Variants in PTPRK observed in about 807,000 individuals in gnomAD.
PTPRK encodes protein tyrosine phosphatase receptor type K.
In PTPRK, 75 loss-of-function variants were observed where a neutral mutation model predicts 178.0. The ratio of observed to expected loss-of-function variants is 0.42; its 90% confidence interval spans 0.35 to 0.51. The LOEUF is 0.51. Ranked by LOEUF, PTPRK falls within the 20% of genes least tolerant of loss-of-function variation. The pLI is 0.02. For missense variants in PTPRK, 1,441 were observed against 1,797.8 expected, an observed-to-expected ratio of 0.80 and a Z score of 3.59; for synonymous variants, 637 against 620.6, an observed-to-expected ratio of 1.03 and a Z score of -0.39.
intron 1 of PTPRK, among the ~76,000 whole-genome samples, chr6:128,426,999 A>G (rs895272009): frequency 6.6e-6 from 1 of 152,220 alleles, no homozygotes; most frequent in Admixed American, 6.5e-5. Context: ...TTTTCAAAAC[A>G]TAACACATGA....
Position 128,236,909 on chromosome 6 carries a change from T to C in PTPRK, c.693+3126A>G, listed in dbSNP as rs967475417. ...TTCAGAACTACCATGATATGCATTA[T>C]GAAATTATCCTAGATTAACTCAGGC... On this transcript the variant is annotated intron_variant, in intron 5 of 29. Coordinates refer to ENST00000368226, the MANE Select transcript of PTPRK (RefSeq NM_002844.4). Among the ~76,000 whole-genome samples the C allele has an allele frequency of 4.6e-5, 7 of 152,344 alleles. No individual in the cohort carries two copies. In the South Asian group the frequency reaches 6.2e-4, roughly 14 times the overall value.
At chr6:127,970,321 A>C (rs1429529983) in intron 29 of PTPRK, 41 bp from the exon 30 acceptor site, 16 of 1,523,420 alleles carry the variant, frequency 1.1e-5, no homozygotes, top group Admixed American at 8.5e-5. Context: ...AAACTTAAGA[A>C]AGAGACTAAT....
chr6:128,407,552 T>C (rs982135639), intron 1 of PTPRK, among the ~76,000 whole-genome samples: 1 of 140,820 alleles, frequency 7.1e-6, no homozygotes, highest in African/African-American at 2.7e-5. Flanking sequence ...GGCGGGAAGA[T>C]ATCTTGAGCC....
At chr6:128,083,214 T>A (rs1420294861) in intron 9 of PTPRK, among the ~76,000 whole-genome samples, 2 of 152,100 alleles carry the variant, frequency 1.3e-5, no homozygotes, top group African/African-American at 4.8e-5. Context: ...TTTCTTCTTT[T>A]TTAGTTTCTC....
intron 15 of PTPRK, chr6:128,000,389 G>C: frequency 9.0e-7 from 1 of 1,114,574 alleles, no homozygotes; most frequent in Non-Finnish European, 1.1e-6. Flanking sequence ...CTGTAATTTA[G>C]CTTGATTGCA....
intron 7 of PTPRK, among the ~76,000 whole-genome samples, chr6:128,124,303 C>A (rs1792975725): frequency 6.6e-6 from 1 of 152,148 alleles, no homozygotes; most frequent in Non-Finnish European, 1.5e-5. Flanking sequence ...CCACCACGGC[C>A]TCCCAAAGTG....
chr6:128,264,729 T>C (rs1321152210), intron 3 of PTPRK, among the ~76,000 whole-genome samples: 2 of 152,164 alleles, frequency 1.3e-5, no homozygotes, highest in African/African-American at 4.8e-5. Context: ...GGTTTGGTTG[T>C]GTCCCCACCC....
intron 1 of PTPRK, among the ~76,000 whole-genome samples, chr6:128,493,650 A>T (rs1854234684): frequency 2.7e-5 from 4 of 150,346 alleles, no homozygotes; most frequent in Admixed American, 2.6e-4. Flanking sequence ...ACACACAGAA[A>T]CAACTATACT....
chr6:128,191,062 C>T (rs1803708759), intron 6 of PTPRK, among the ~76,000 whole-genome samples: 1 of 151,660 alleles, frequency 6.6e-6, no homozygotes, highest in African/African-American at 2.4e-5. Context: ...ATTTCACACA[C>T]GAGTAACTTC....
chr6:128,363,841 G>C (rs1211628114), intron 2 of PTPRK, among the ~76,000 whole-genome samples: 1 of 152,062 alleles, frequency 6.6e-6, no homozygotes, highest in African/African-American at 2.4e-5. Flanking sequence ...TTTACTTCCA[G>C]GCCCAGACTT....
intron 21 of PTPRK, among the ~76,000 whole-genome samples, chr6:127,987,461 C>A (rs1003815821): frequency 4.6e-5 from 7 of 151,848 alleles, no homozygotes; most frequent in Non-Finnish European, 1.0e-4. Context: ...TAAATATATT[C>A]TGAGATATTT....
At chr6:128,505,627 G>T (rs982304097) in intron 1 of PTPRK, among the ~76,000 whole-genome samples, 2 of 151,990 alleles carry the variant, frequency 1.3e-5, no homozygotes, top group Non-Finnish European at 2.9e-5. Flanking sequence ...GAGCTTCTCC[G>T]GTAAGAAAGT....
At chr6:128,019,353 G>T (rs549937559) in intron 13 of PTPRK, among the ~76,000 whole-genome samples, 5 of 151,968 alleles carry the variant, frequency 3.3e-5, no homozygotes, top group Admixed American at 6.6e-5. Context: ...GGTGAGGTGG[G>T]GGATACAATA....
At chr6:128,158,273 G>A (rs1382115359) in intron 7 of PTPRK, among the ~76,000 whole-genome samples, 1 of 151,826 alleles carries the variant, frequency 6.6e-6, no homozygotes, top group Non-Finnish European at 1.5e-5. Context: ...GGTGGGGGCA[G>A]GGGGGAGTGA....
At chr6:128,120,861 T>A (rs1341197937) in intron 7 of PTPRK, among the ~76,000 whole-genome samples, 1 of 151,958 alleles carries the variant, frequency 6.6e-6, no homozygotes, top group African/African-American at 2.4e-5. Flanking sequence ...ACTAAAAACC[T>A]AACTTTTCAT....
At chr6:128,382,629 G>A (rs571613278) in intron 2 of PTPRK, among the ~76,000 whole-genome samples, 5 of 151,646 alleles carry the variant, frequency 3.3e-5, no homozygotes, top group South Asian at 4.2e-4. Context: ...TAGTAGAGAC[G>A]GGGTTTTACT....
intron 7 of PTPRK, among the ~76,000 whole-genome samples, chr6:128,099,930 T>C (rs1194849855): frequency 6.6e-6 from 1 of 152,028 alleles, no homozygotes; most frequent in East Asian, 1.9e-4. Flanking sequence ...GAAATCCCTG[T>C]ACATTTTTCA....
intron 5 of PTPRK, among the ~76,000 whole-genome samples, chr6:128,232,916 G>A (rs1354446201): frequency 6.6e-6 from 1 of 152,166 alleles, no homozygotes; most frequent in African/African-American, 2.4e-5. Flanking sequence ...CTTTATGCAT[G>A]TTACCTAGCG....
chr6:128,023,608 T>C (rs1358816352), intron 13 of PTPRK, among the ~76,000 whole-genome samples: 3 of 152,170 alleles, frequency 2.0e-5, no homozygotes, highest in Non-Finnish European at 2.9e-5. Flanking sequence ...AACCAAACTA[T>C]CATTTCTCAC....
Sources: allele counts gnomAD v4.1 joint callset (sites outside exome capture counted in the v4.1 genomes callset), GRCh38; gene constraint gnomAD v4.1.1; transcripts MANE v1.5; gene names NCBI Gene and HGNC (gene_info 2026-07-23, HGNC 2026-07-21).